SGCZ: variants seen among roughly 807,000 people sequenced by gnomAD.
The protein encoded by SGCZ is sarcoglycan zeta, also known as zeta-sarcoglycan.
A neutral mutation model predicts 41.3 loss-of-function variants in SGCZ; 40 were observed. The observed-to-expected ratio is 0.97, with a 90% CI of 0.75 to 1.26. SGCZ has a LOEUF of 1.26. Ranked by LOEUF, SGCZ falls within the 50% of genes most tolerant of loss-of-function variation. The pLI, the probability that SGCZ is intolerant of heterozygous loss-of-function variation, is 0.00. For synonymous variants in SGCZ, 206 were observed against 137.5 expected (o/e 1.50, Z -3.49); for missense variants, 552 against 369.8 (o/e 1.49, Z -4.04).
chr8:15,114,751 T>C (rs1250211482), intron 1 of SGCZ, among the ~76,000 whole-genome samples: 2 of 149,774 alleles, frequency 1.3e-5, no homozygotes, highest in Admixed American at 1.3e-4. Context: ...AAGCGTTTTC[T>C]TTTTGTTTTT....
chr8:14,568,838 A>G (rs927000260), intron 1 of SGCZ, among the ~76,000 whole-genome samples: 4 of 152,190 alleles, frequency 2.6e-5, no homozygotes, highest in African/African-American at 9.7e-5. Flanking sequence ...ATAATTCAAT[A>G]TATATTTGTT....
intron 1 of SGCZ, among the ~76,000 whole-genome samples, chr8:15,149,090 TG>T (rs1585613886): frequency 6.6e-6 from 1 of 152,296 alleles, no homozygotes; most frequent in East Asian, 1.9e-4. Context: ...TAAGTGTCCC[TG>T]TTTTGAAGAT....
At chr8:14,928,729 T>G (rs1799837194) in intron 1 of SGCZ, among the ~76,000 whole-genome samples, 1 of 152,220 alleles carries the variant, frequency 6.6e-6, no homozygotes, top group Admixed American at 6.5e-5. Flanking sequence ...AGAATTGCTA[T>G]AAATGTTAAA....
At chr8:14,274,120 G>C (rs946897265) in intron 3 of SGCZ, among the ~76,000 whole-genome samples, 5 of 151,894 alleles carry the variant, frequency 3.3e-5, no homozygotes, top group Non-Finnish European at 7.4e-5. Context: ...AGTTTCATTT[G>C]CATATGTTAA....
At chr8:15,133,588 G>C (rs1210869985) in intron 1 of SGCZ, among the ~76,000 whole-genome samples, 2 of 152,154 alleles carry the variant, frequency 1.3e-5, no homozygotes, top group Non-Finnish European at 1.5e-5. Context: ...TTCATTTGCA[G>C]TATCTCACTT....
chr8:14,418,404 T>C (rs11203605), intron 2 of SGCZ, among the ~76,000 whole-genome samples: 86,144 of 151,660 alleles, frequency 0.57, 25,322 homozygotes, highest in South Asian at 0.75. Flanking sequence ...AACCAAAAGA[T>C]AGAATTAGTT....
At chr8:14,707,261 C>G (rs1336986226) in intron 1 of SGCZ, among the ~76,000 whole-genome samples, 1 of 146,484 alleles carries the variant, frequency 6.8e-6, no homozygotes, top group African/African-American at 2.5e-5. Context: ...TCAATTACCA[C>G]CTATGAGTGA....
At chr8:15,224,378 A>G (rs1487949754) in intron 1 of SGCZ, among the ~76,000 whole-genome samples, 1 of 152,204 alleles carries the variant, frequency 6.6e-6, no homozygotes, top group African/African-American at 2.4e-5. Flanking sequence ...ACAGTGTAAT[A>G]CTTTTAATAT....
At chr8:14,553,703 G>A (rs902933557) in intron 2 of SGCZ, among the ~76,000 whole-genome samples, 1 of 152,078 alleles carries the variant, frequency 6.6e-6, no homozygotes, top group Non-Finnish European at 1.5e-5. Flanking sequence ...TTGTGTTTCC[G>A]AGTTAGAATT....
chr8:14,619,110 T>C (rs1395359611), intron 1 of SGCZ, among the ~76,000 whole-genome samples: 1 of 152,082 alleles, frequency 6.6e-6, no homozygotes, highest in Non-Finnish European at 1.5e-5. Context: ...TATAAAGAAA[T>C]CCCTGGGATG....
At chr8:14,699,089 G>C (rs1314980613) in intron 1 of SGCZ, among the ~76,000 whole-genome samples, 1 of 151,444 alleles carries the variant, frequency 6.6e-6, no homozygotes, top group Non-Finnish European at 1.5e-5. Context: ...AACAAAAATA[G>C]AGCTAAGAAG....
intron 2 of SGCZ, among the ~76,000 whole-genome samples, chr8:14,345,180 G>A (rs1168273120): frequency 6.6e-6 from 1 of 151,998 alleles, no homozygotes; most frequent in Non-Finnish European, 1.5e-5. Flanking sequence ...ATGAAAAGGT[G>A]GTTAACCTCA....
At chr8:14,403,924 G>T (rs1045237175) in intron 2 of SGCZ, among the ~76,000 whole-genome samples, 11 of 152,200 alleles carry the variant, frequency 7.2e-5, no homozygotes, top group African/African-American at 2.6e-4. Context: ...TCAACTGGGA[G>T]AAATATTTTT....
chr8:14,398,459 G>A (rs746760988), intron 2 of SGCZ, among the ~76,000 whole-genome samples: 6 of 151,972 alleles, frequency 3.9e-5, no homozygotes, highest in Admixed American at 3.9e-4. Flanking sequence ...TATTCATAAC[G>A]TGGCCAGCCT....
intron 1 of SGCZ, among the ~76,000 whole-genome samples, chr8:14,609,805 T>C (rs1469483845): frequency 3.3e-5 from 5 of 152,014 alleles, no homozygotes; most frequent in Non-Finnish European, 7.4e-5. Flanking sequence ...AGTAGCACAA[T>C]AGAGAAACTA....
rs556486896 is a variant in SGCZ, at chr8:14,482,258, A to T, written c.234+72474T>A. ...GTTCATATCTGCAAATGACAGGTTC[A>T]TCTCTGCCTCTCAAGACTGCGTAAA... On this transcript the variant is annotated intron_variant, in intron 2 of 7. Coordinates refer to ENST00000382080, the MANE Select transcript of SGCZ (RefSeq NM_139167.4). Among the ~76,000 whole-genome samples, 6 of 152,290 alleles carry T rather than the reference A, an allele frequency of 3.9e-5. No homozygotes were observed. The East Asian group carries it at 1.2e-3, about 29-fold the overall frequency.
chr8:14,918,056 G>C (rs1799489347), intron 1 of SGCZ, among the ~76,000 whole-genome samples: 1 of 152,064 alleles, frequency 6.6e-6, no homozygotes, highest in Admixed American at 6.6e-5. Context: ...TAGTAGCAAA[G>C]CCAAGACTTC....
chr8:14,139,230 A>C, intron 5 of SGCZ, among the ~76,000 whole-genome samples: 1 of 152,222 alleles, frequency 6.6e-6, no homozygotes, highest in Admixed American at 6.5e-5. Context: ...AAAAGCCTAC[A>C]AGAGAAAGCA....
intron 1 of SGCZ, among the ~76,000 whole-genome samples, chr8:14,618,837 A>T (rs1187905253): frequency 6.6e-6 from 1 of 152,192 alleles, no homozygotes; most frequent in African/African-American, 2.4e-5. Context: ...TCCGATGGGG[A>T]GTAAGCAGAA....
Sources: allele counts gnomAD v4.1 joint callset (sites outside exome capture counted in the v4.1 genomes callset), GRCh38; gene constraint gnomAD v4.1.1; transcripts MANE v1.5; gene names NCBI Gene and HGNC (gene_info 2026-07-23, HGNC 2026-07-21).